Variants in KPNA3 observed in about 807,000 individuals in gnomAD.
KPNA3 encodes importin subunit alpha-4.
Under a neutral mutation model 73.8 loss-of-function variants are expected in KPNA3, and 13 were observed. That is an observed-to-expected ratio of 0.18 (90% CI 0.11 to 0.28). KPNA3 has a LOEUF of 0.28. Ranked by LOEUF, KPNA3 falls within the 10% of genes least tolerant of loss-of-function variation. KPNA3 has a pLI of 1.00. For synonymous variants in KPNA3, 186 were observed against 206.9 expected (o/e 0.90, Z 0.87); for missense variants, 360 against 618.1 (o/e 0.58, Z 4.43).
chr13:49,769,967 G>A (rs770639617), intron 1 of KPNA3, among the ~76,000 whole-genome samples: 1 of 151,998 alleles, frequency 6.6e-6, no homozygotes, highest in Non-Finnish European at 1.5e-5. Flanking sequence ...CTTTTGATTT[G>A]CACTTCCCTA....
In KPNA3 at chr13:49,739,496, T is replaced by C. The variant is rs145021984; in HGVS notation, c.115-6450A>G. On this transcript the variant is annotated intron_variant, in intron 2 of 16. Coordinates refer to ENST00000261667, the MANE Select transcript of KPNA3 (RefSeq NM_002267.4). Reference sequence around the variant, plus strand: ...GTACAGATGTGTGTTTAAGTGTTGATGCATAAAAGCCTCTCTAAATTGGGA... The same window carrying C: ...GTACAGATGTGTGTTTAAGTGTTGACGCATAAAAGCCTCTCTAAATTGGGA... Among the ~76,000 whole-genome samples the C allele has an allele frequency of 1.4e-4, 22 of 152,296 alleles. No individual in the cohort carries two copies. In the East Asian group the frequency reaches 3.7e-3, roughly 25 times the overall value.
At chr13:49,716,568 A>G (rs1954305942) in intron 10 of KPNA3, among the ~76,000 whole-genome samples, 1 of 152,012 alleles carries the variant, frequency 6.6e-6, no homozygotes, top group Non-Finnish European at 1.5e-5. Flanking sequence ...CCTCCCAAGT[A>G]GCTGGGATTA....
chr13:49,771,166 A>G (rs1459965755), intron 1 of KPNA3, among the ~76,000 whole-genome samples: 2 of 151,908 alleles, frequency 1.3e-5, no homozygotes. Context: ...GCCAAAAGAA[A>G]AGAATAGAAA....
chr13:49,787,765 C>T (rs1332975948), intron 1 of KPNA3, among the ~76,000 whole-genome samples: 5 of 151,136 alleles, frequency 3.3e-5, no homozygotes, highest in Admixed American at 1.3e-4. Context: ...CTGCAAGCTC[C>T]GCCTCCCGGG....
At chr13:49,764,767 A>C (rs1019066052) in intron 1 of KPNA3, among the ~76,000 whole-genome samples, 6 of 143,712 alleles carry the variant, frequency 4.2e-5, no homozygotes, top group East Asian at 3.8e-4. Flanking sequence ...AAAAAAAAAA[A>C]GAACCTTTCT....
intron 1 of KPNA3, among the ~76,000 whole-genome samples, chr13:49,781,482 A>G (rs2137604060): frequency 6.8e-6 from 1 of 147,150 alleles, no homozygotes; most frequent in East Asian, 3.0e-4. Flanking sequence ...GGTTATTCTT[A>G]TAAACACAGT....
In KPNA3 at chr13:49,701,437, A is replaced by G; in HGVS notation, c.*363T>C. The G allele has an allele frequency of 4.2e-6, 2 of 474,398 alleles. No homozygotes were observed. Among genetic ancestry groups the G allele is most frequent in the South Asian group, 1.6e-5 (1 of 64,326 alleles). The allele number at this position is 474,398 out of a possible 1,614,324, so 29.4% of individuals were successfully genotyped here. A position where few individuals can be genotyped will look rare whatever the true frequency, so the allele number is the denominator to read the frequency against. On this transcript the variant is annotated 3_prime_UTR_variant, in exon 17 of 17. Transcript: ENST00000261667. ...ATCATACCAAAGTGTCTTGATCCAC[A>G]GCGCACCATTTTCCAAAGGAGTATC...
intron 1 of KPNA3, among the ~76,000 whole-genome samples, chr13:49,757,876 A>C (rs895068549): frequency 1.3e-5 from 2 of 152,200 alleles, no homozygotes; most frequent in African/African-American, 4.8e-5. Flanking sequence ...GGATGAACAT[A>C]AATACTGTAC....
At chr13:49,752,464 G>A (rs1954671164) in intron 1 of KPNA3, among the ~76,000 whole-genome samples, 3 of 152,124 alleles carry the variant, frequency 2.0e-5, no homozygotes, top group Admixed American at 2.0e-4. Context: ...ACAGAGTGTT[G>A]CTATTGAAAG....
chr13:49,732,904 C>G, intron 3 of KPNA3, 53 bp downstream of exon 3: 31 of 1,398,108 alleles, frequency 2.2e-5, no homozygotes, highest in Non-Finnish European at 3.1e-5. Flanking sequence ...ATGAAGTTCT[C>G]ACAGTTACTA....
intron 1 of KPNA3, among the ~76,000 whole-genome samples, chr13:49,788,515 T>A (rs1263350725): frequency 6.6e-6 from 1 of 152,020 alleles, no homozygotes; most frequent in Non-Finnish European, 1.5e-5. Flanking sequence ...AGCTAGCAGT[T>A]TGAAACCAGC....
intron 14 of KPNA3, 83 bp from the exon 15 acceptor site, chr13:49,705,866 G>A: frequency 1.6e-6 from 2 of 1,258,004 alleles, no homozygotes; most frequent in Non-Finnish European, 2.2e-6. Flanking sequence ...GGAAGGCTGA[G>A]GCAGGAGGCT....
chr13:49,752,297 T>G (rs958198665), intron 1 of KPNA3, among the ~76,000 whole-genome samples: 4 of 152,066 alleles, frequency 2.6e-5, no homozygotes, highest in African/African-American at 9.7e-5. Flanking sequence ...AAAATCATCT[T>G]GTAACAAACA....
At chr13:49,773,904 C>A (rs1186156773) in intron 1 of KPNA3, among the ~76,000 whole-genome samples, 2 of 152,022 alleles carry the variant, frequency 1.3e-5, no homozygotes, top group Admixed American at 6.6e-5. Flanking sequence ...CCAATACTAT[C>A]CCATTCATAG....
chr13:49,753,969 A>G (rs1239479450), intron 1 of KPNA3, among the ~76,000 whole-genome samples: 1 of 152,196 alleles, frequency 6.6e-6, no homozygotes, highest in Non-Finnish European at 1.5e-5. Flanking sequence ...TGTAGACACA[A>G]AATTGAAAGG....
intron 1 of KPNA3, among the ~76,000 whole-genome samples, chr13:49,773,931 G>A (rs1954875583): frequency 6.6e-6 from 1 of 152,162 alleles, no homozygotes. Context: ...TTTTGAGACA[G>A]CTCTTGCTCT....
chr13:49,729,049 G>A (rs1954437456), intron 6 of KPNA3, among the ~76,000 whole-genome samples: 1 of 152,224 alleles, frequency 6.6e-6, no homozygotes, highest in South Asian at 2.1e-4. Context: ...TTTAGGGATA[G>A]ACAATGGCTG....
intron 1 of KPNA3, among the ~76,000 whole-genome samples, chr13:49,773,406 T>C (rs1413369705): frequency 6.6e-6 from 1 of 152,208 alleles, no homozygotes; most frequent in Non-Finnish European, 1.5e-5. Context: ...TGAAGTCCTT[T>C]CTAAATTAAT....
intron 1 of KPNA3, among the ~76,000 whole-genome samples, chr13:49,762,125 C>T (rs1367899118): frequency 1.0e-4 from 12 of 115,780 alleles, no homozygotes; most frequent in African/African-American, 3.7e-4. Flanking sequence ...AGCCCCCGCC[C>T]GGCCAGCCTC....
Sources: gnomAD v4.1 joint callset for allele counts (sites outside exome capture counted in the v4.1 genomes callset) on GRCh38, gnomAD v4.1.1 for gene constraint, MANE v1.5 for transcripts, NCBI Gene and HGNC (gene_info 2026-07-23, HGNC 2026-07-21) for gene names.